ZNF556: variants seen among roughly 807,000 people sequenced by gnomAD.
The protein encoded by ZNF556 is zinc finger protein 556.
In ZNF556, 11 loss-of-function variants were observed where a neutral mutation model predicts 13.6. That is an observed-to-expected ratio of 0.81 (90% CI 0.51 to 1.33). The LOEUF is 1.33. ZNF556 is among the 40% of genes most tolerant of loss of function. The pLI, the probability that ZNF556 is intolerant of heterozygous loss-of-function variation, is 0.00. For synonymous variants in ZNF556, 229 were observed against 207.8 expected (o/e 1.10, Z -0.88); for missense variants, 633 against 566.2 (o/e 1.12, Z -1.20).
chr19:2,874,758 A>AAAAAAGAAAG (rs1555725942), intron 2 of ZNF556, among the ~76,000 whole-genome samples: 1 of 130,734 alleles, frequency 7.6e-6, no homozygotes, highest in Admixed American at 8.9e-5. Context: ...AAAAAAAAAA[A>AAAAAAGAAAG]AAAGAAAGAA....
At position 2,868,998 on chromosome 19, in the gene ZNF556, C is replaced by T. The variant is rs188750505; in HGVS notation, c.3+1574C>T. Among the ~76,000 whole-genome samples, 18 of 152,240 alleles carry T rather than the reference C, an allele frequency of 1.2e-4. 1 individual carries two copies. In the South Asian group the frequency reaches 2.7e-3, roughly 23 times the overall value. On this transcript the variant is annotated intron_variant, in intron 1 of 3. Transcript: ENST00000307635. ...CCTCCCAAAGTGCTGGGATTACAGGCGTGAGCCACCACACCTGGCCCCTTT... is the reference window on the plus strand; with the variant it reads ...CCTCCCAAAGTGCTGGGATTACAGGTGTGAGCCACCACACCTGGCCCCTTT...
Position 2,877,921 on chromosome 19 carries a change from G to A in ZNF556, c.963G>A (p.Gly321=), listed in dbSNP as rs2087871975. The A allele has an allele frequency of 6.2e-7, 1 of 1,614,062 alleles. No individual in the cohort carries two copies. Among genetic ancestry groups the A allele is most frequent in the African/African-American group, 1.3e-5 (1 of 74,930 alleles). The part of the protein sequence containing the change: ...GEKPYKCGKC[G]KAFGWPSSLH... The stretch of plus-strand genomic sequence containing the variant: ...AACCCTATAAGTGTGGAAAATGCGG[G>A]AAAGCATTCGGTTGGCCCTCATCCT... The change falls in exon 4 of 4, where the codon GGG becomes GGA. Residue 321 remains glycine, a synonymous_variant. Transcript: ENST00000307635.
At position 2,879,815 on chromosome 19, in the gene ZNF556, G is replaced by C. The variant is rs939819144; in HGVS notation, c.*1486G>C. 1.4e-4 allele frequency: 22 copies of C among 151,964 alleles called. 1 individual carries two copies. The highest frequency in any genetic ancestry group is 3.4e-3 in the Middle Eastern group (1 of 292). The allele number at this position is 151,964 out of a possible 1,614,324, so 9.4% of individuals were successfully genotyped here. On this transcript the variant is annotated 3_prime_UTR_variant, in exon 4 of 4. Transcript: ENST00000307635. The stretch of plus-strand genomic sequence containing the variant: ...GGAGGCTGAGGTGGGCGGATCACGA[G>C]GTCAGGAAATCGAGACCATCCTGGC...
At chr19:2,870,339 T>G (rs1341989658) in intron 1 of ZNF556, among the ~76,000 whole-genome samples, 2 of 152,062 alleles carry the variant, frequency 1.3e-5, no homozygotes, top group Non-Finnish European at 2.9e-5. Context: ...ACACCTGTAA[T>G]CCCAGTTAGT....
intron 3 of ZNF556, among the ~76,000 whole-genome samples, chr19:2,876,532 C>T (rs568688746): frequency 3.0e-4 from 46 of 152,136 alleles, no homozygotes; most frequent in African/African-American, 1.0e-3. Flanking sequence ...CCAGCCTGAC[C>T]GACATGGTGA....
rs914631513 is a variant in ZNF556, at chr19:2,867,712, CAAAAAACAAAACA to C, written c.3+295_3+307del. 8.2e-5 allele frequency among the ~76,000 whole-genome samples: 7 copies of C among 85,582 alleles called. 1 individual carries two copies. The highest frequency in any genetic ancestry group is 3.0e-4 in the African/African-American group (7 of 23,456). 56.1% of individuals were successfully genotyped at this position (85,582 alleles called of 152,430 possible). On this transcript the variant is annotated intron_variant, in intron 1 of 3. Coordinates refer to ENST00000307635, the MANE Select transcript of ZNF556 (RefSeq NM_024967.3). ...TTGGAAGAAAAACTAACCCAAAGTACAAAAAACAAAACAAAAAAAAAAAAAACCTCACCCCAGC... is the reference window on the plus strand; with the variant it reads ...TTGGAAGAAAAACTAACCCAAAGTACAAAAAAAAAAAAACCTCACCCCAGC...
intron 2 of ZNF556, chr19:2,875,584 T>C: frequency 6.3e-6 from 1 of 158,704 alleles, no homozygotes; most frequent in Admixed American, 6.3e-5. Flanking sequence ...ACCACCACCT[T>C]CCAGACACAT....
At position 2,877,970 on chromosome 19, in the gene ZNF556, G is replaced by A. The variant is rs1247522387; in HGVS notation, c.1012G>A (p.Ala338Thr). The change falls in exon 4 of 4, where the codon GCT becomes ACT. Residue 338 changes from alanine (A) to threonine (T), a missense_variant. Ala to Thr is a moderately conservative substitution (Grantham distance 58). Coordinates refer to ENST00000307635, the MANE Select transcript of ZNF556 (RefSeq NM_024967.3). ...SSLHKHARTH[A>T]KKKPVSGGSV... Reference sequence around the variant, plus strand: ...CTTACACAAACACGCGAGAACGCATGCTAAAAAGAAACCTGTGAGTGGGGG... The same window carrying A: ...CTTACACAAACACGCGAGAACGCATACTAAAAAGAAACCTGTGAGTGGGGG... The A allele has an allele frequency of 6.8e-6, 11 of 1,614,148 alleles. No homozygotes were observed. The South Asian group carries it at 1.1e-4, about 16-fold the overall frequency.
intron 1 of ZNF556, among the ~76,000 whole-genome samples, chr19:2,867,769 CA>C (rs2087769399): frequency 6.6e-6 from 1 of 151,184 alleles, no homozygotes; most frequent in African/African-American, 2.4e-5. Context: ...GCAACAGCCC[CA>C]AAGCAGAATG....
At chr19:2,874,761 AGAAAG>A (rs1450719433) in intron 2 of ZNF556, among the ~76,000 whole-genome samples, 3 of 140,374 alleles carry the variant, frequency 2.1e-5, no homozygotes, top group African/African-American at 8.8e-5. Context: ...AAAAAAAAAA[AGAAAG>A]AAAGAAAGAA....
chr19:2,877,582 C>G lies in ZNF556; in HGVS notation c.624C>G (p.Cys208Trp), dbSNP rs371742740. Residue 208 changes from cysteine to tryptophan, a missense_variant, in exon 4 of 4, where the codon TGC (cysteine) becomes TGG (tryptophan). Coordinates refer to ENST00000307635, the MANE Select transcript of ZNF556 (RefSeq NM_024967.3). ...AGAAACCCTATGCCTGTCAATCTTG[C>G]GGGAAGACATTTCTTCGTTCCCACT... The part of the protein sequence containing the change: ...SGEKPYACQS[C>W]GKTFLRSHSL... The G allele has an allele frequency of 5.0e-6, 8 of 1,614,002 alleles. No individual in the cohort carries two copies. Among genetic ancestry groups the G allele is most frequent in the Non-Finnish European group, 5.9e-6 (7 of 1,180,040 alleles).
chr19:2,881,830 A>G lies in ZNF556; in HGVS notation c.*3501A>G, dbSNP rs2087906794. 3 of 152,148 alleles carry G rather than the reference A, an allele frequency of 2.0e-5. No individual in the cohort carries two copies. The highest frequency in any genetic ancestry group is 4.1e-4 in the South Asian group (2 of 4,826). 9.4% of individuals were successfully genotyped at this position (152,148 alleles called of 1,614,324 possible). ...GTAATACAGAAATAACGGCAGGACC[A>G]GGGGCAGTGGCTCACACTTGTAATT... On this transcript the variant is annotated 3_prime_UTR_variant, in exon 4 of 4. Transcript: ENST00000307635.
Position 2,867,712 on chromosome 19 carries a change from C to CAAA in ZNF556, c.3+292_3+294dup, listed in dbSNP as rs377752421. 1.2e-3 allele frequency among the ~76,000 whole-genome samples: 101 copies of CAAA among 85,516 alleles called. 4 individuals carry two copies. The highest frequency in any genetic ancestry group is 1.9e-3 in the South Asian group (4 of 2,160). 56.1% of individuals were successfully genotyped at this position (85,516 alleles called of 152,430 possible). On this transcript the variant is annotated intron_variant, in intron 1 of 3. Coordinates refer to ENST00000307635, the MANE Select transcript of ZNF556 (RefSeq NM_024967.3). ...TTGGAAGAAAAACTAACCCAAAGTA[C>CAAA]AAAAAACAAAACAAAAAAAAAAAAA...
At chr19:2,873,088 G>T (rs193264839) in intron 1 of ZNF556, among the ~76,000 whole-genome samples, 8 of 148,208 alleles carry the variant, frequency 5.4e-5, no homozygotes, top group African/African-American at 1.3e-4. Flanking sequence ...AGCCGAGATC[G>T]CCCTACTGCA....
At chr19:2,875,571 T>C (rs1599581346) in intron 2 of ZNF556, 2 of 163,832 alleles carry the variant, frequency 1.2e-5, no homozygotes, top group East Asian at 3.3e-4. Context: ...AAAATGGCCT[T>C]GGACCACCAC....
chr19:2,877,969 T>C lies in ZNF556; in HGVS notation c.1011T>C (p.His337=). 1.2e-6 allele frequency: 2 copies of C among 1,614,056 alleles called. No homozygotes were observed. The highest frequency in any genetic ancestry group is 1.3e-5 in the African/African-American group (1 of 75,026). Residue 337 remains histidine (H), a synonymous_variant, in exon 4 of 4, where the codon CAT becomes CAC. Transcript: ENST00000307635. The part of the protein sequence containing the change: ...PSSLHKHART[H]AKKKPVSGGS... ...CCTTACACAAACACGCGAGAACGCA[T>C]GCTAAAAAGAAACCTGTGAGTGGGG...
chr19:2,876,262 G>A lies in ZNF556; in HGVS notation c.300G>A (p.Lys100=). The A allele has an allele frequency of 6.3e-7, 1 of 1,593,504 alleles. No individual in the cohort carries two copies. Among genetic ancestry groups the A allele is most frequent in the Non-Finnish European group, 8.5e-7 (1 of 1,173,772 alleles). The change falls in exon 3 of 4, where the codon AAG becomes AAA. Residue 100 remains lysine, a synonymous_variant. Transcript: ENST00000307635. The stretch of plus-strand genomic sequence containing the variant: ...GCGTTAAAGACAAGCACAACACCAA[G>A]GAGAGACATTTGAGGTGAGTTGTAC... ...EHSVKDKHNT[K]ERHLSRNPRV...
chr19:2,868,720 A>G (rs2087777572), intron 1 of ZNF556, among the ~76,000 whole-genome samples: 1 of 80,524 alleles, frequency 1.2e-5, no homozygotes, highest in South Asian at 4.1e-4. Context: ...ATGACTAGCT[A>G]ATTTTTTTTT....
chr19:2,872,818 CAAAA>C (rs770269518), intron 1 of ZNF556, among the ~76,000 whole-genome samples: 3 of 75,054 alleles, frequency 4.0e-5, no homozygotes, highest in Admixed American at 1.8e-4. Flanking sequence ...GACTCCATCT[CAAAA>C]AAAAAAAAAA....
Sources: allele counts gnomAD v4.1 joint callset (sites outside exome capture counted in the v4.1 genomes callset), GRCh38; gene constraint gnomAD v4.1.1; transcripts MANE v1.5; gene names NCBI Gene and HGNC (gene_info 2026-07-23, HGNC 2026-07-21).